Variants in PTPRD observed in about 807,000 individuals in gnomAD.
The protein encoded by PTPRD is protein tyrosine phosphatase receptor type D, also known as receptor-type tyrosine-protein phosphatase delta.
A neutral mutation model predicts 214.5 loss-of-function variants in PTPRD; 34 were observed. The observed-to-expected ratio is 0.16, with a 90% CI of 0.12 to 0.21. The LOEUF is 0.21. PTPRD is among the 10% of genes least tolerant of loss of function. The pLI is 1.00. For missense variants in PTPRD, 2,545 were observed against 2,398.7 expected, an observed-to-expected ratio of 1.06 and a Z score of -1.27; for synonymous variants, 1,128 against 845.7, an observed-to-expected ratio of 1.33 and a Z score of -5.79.
At chr9:9,493,554 C>T (rs758315445) in intron 8 of PTPRD, among the ~76,000 whole-genome samples, 38 of 151,742 alleles carry the variant, frequency 2.5e-4, no homozygotes, top group Non-Finnish European at 4.3e-4. Flanking sequence ...TTTGGGAGGC[C>T]GAGGCAGGCA....
intron 4 of PTPRD, among the ~76,000 whole-genome samples, chr9:9,985,566 A>G (rs757911201): frequency 1.6e-4 from 24 of 152,290 alleles, no homozygotes; most frequent in Non-Finnish European, 2.5e-4. Flanking sequence ...ATCTACATTT[A>G]AAGACTTATT....
chr9:10,496,539 C>T (rs2042087218), intron 2 of PTPRD, among the ~76,000 whole-genome samples: 1 of 151,990 alleles, frequency 6.6e-6, no homozygotes, highest in Non-Finnish European at 1.5e-5. Context: ...AAACTGGTTT[C>T]TACAATAGCT....
intron 39 of PTPRD, among the ~76,000 whole-genome samples, chr9:8,356,574 C>T (rs954264837): frequency 1.3e-5 from 2 of 152,082 alleles, no homozygotes; most frequent in African/African-American, 2.4e-5. Flanking sequence ...TCAGTGATAC[C>T]CCTGTCCAGA....
At chr9:10,344,063 T>C (rs1181986355) in intron 2 of PTPRD, among the ~76,000 whole-genome samples, 1 of 150,100 alleles carries the variant, frequency 6.7e-6, no homozygotes, top group Non-Finnish European at 1.5e-5. Context: ...TTGGCTTTTG[T>C]TGCCATTGCT....
intron 4 of PTPRD, among the ~76,000 whole-genome samples, chr9:9,971,445 T>C (rs2095096407): frequency 6.6e-6 from 1 of 152,186 alleles, no homozygotes; most frequent in Non-Finnish European, 1.5e-5. Flanking sequence ...TAAAATTAGC[T>C]TGAAAGCAGT....
chr9:9,505,805 A>G (rs1028206082), intron 8 of PTPRD, among the ~76,000 whole-genome samples: 3 of 151,522 alleles, frequency 2.0e-5, no homozygotes, highest in African/African-American at 7.3e-5. Flanking sequence ...TATGATCCCA[A>G]GGAACAATCA....
intron 33 of PTPRD, among the ~76,000 whole-genome samples, chr9:8,455,024 T>C (rs1224678363): frequency 6.6e-6 from 1 of 152,156 alleles, no homozygotes; most frequent in African/African-American, 2.4e-5. Context: ...TCATTTAAAA[T>C]AAAAAGCCTT....
At chr9:9,497,143 A>T (rs992583269) in intron 8 of PTPRD, among the ~76,000 whole-genome samples, 1 of 152,198 alleles carries the variant, frequency 6.6e-6, no homozygotes, top group Non-Finnish European at 1.5e-5. Flanking sequence ...TAGTTTTATA[A>T]GATGAGAAGC....
At chr9:9,434,331 A>C (rs2084349633) in intron 8 of PTPRD, among the ~76,000 whole-genome samples, 1 of 152,178 alleles carries the variant, frequency 6.6e-6, no homozygotes, top group African/African-American at 2.4e-5. Flanking sequence ...CTCTACACTG[A>C]AAACTATAAA....
intron 5 of PTPRD, among the ~76,000 whole-genome samples, chr9:9,815,343 C>T (rs979300371): frequency 1.3e-5 from 2 of 152,088 alleles, no homozygotes; most frequent in East Asian, 3.9e-4. Context: ...GGACACTTAA[C>T]TTACATAGTA....
intron 10 of PTPRD, among the ~76,000 whole-genome samples, chr9:9,100,175 G>A (rs1434823958): frequency 6.6e-6 from 1 of 151,984 alleles, no homozygotes; most frequent in Admixed American, 6.6e-5. Context: ...TGTGTTCCTG[G>A]GTAGTGAATA....
chr9:9,759,676 G>T (rs1301929489), intron 6 of PTPRD, among the ~76,000 whole-genome samples: 2 of 149,394 alleles, frequency 1.3e-5, no homozygotes, highest in Admixed American at 1.4e-4. Context: ...TCTTGCCTCA[G>T]CCTCCCAAGT....
intron 5 of PTPRD, among the ~76,000 whole-genome samples, chr9:9,883,384 A>G (rs909025119): frequency 6.6e-6 from 1 of 152,116 alleles, no homozygotes; most frequent in Non-Finnish European, 1.5e-5. Context: ...AAGAAAAACA[A>G]AAACATCTAG....
intron 7 of PTPRD, among the ~76,000 whole-genome samples, chr9:9,628,069 A>G (rs2095477501): frequency 6.6e-6 from 1 of 152,202 alleles, no homozygotes; most frequent in Admixed American, 6.5e-5. Context: ...TCCTTTGGTT[A>G]GTTTTCCCAC....
intron 11 of PTPRD, among the ~76,000 whole-genome samples, chr9:8,855,618 T>C (rs1242870838): frequency 6.6e-6 from 1 of 152,202 alleles, no homozygotes; most frequent in Non-Finnish European, 1.5e-5. Context: ...GAACAGATGA[T>C]TTCTATGCAA....
At chr9:10,157,652 C>T (rs963663744) in intron 3 of PTPRD, among the ~76,000 whole-genome samples, 19 of 152,050 alleles carry the variant, frequency 1.2e-4, no homozygotes, top group Admixed American at 7.2e-4. Flanking sequence ...CTGGGTTTCT[C>T]GACATTTTTA....
intron 5 of PTPRD, among the ~76,000 whole-genome samples, chr9:9,884,423 GA>G (rs1284067727): frequency 6.6e-6 from 1 of 152,096 alleles, no homozygotes; most frequent in African/African-American, 2.4e-5. Context: ...ATCTCTGTAA[GA>G]AAGCCCTTCC....
intron 2 of PTPRD, among the ~76,000 whole-genome samples, chr9:10,521,752 G>C (rs950244504): frequency 2.6e-5 from 4 of 151,972 alleles, no homozygotes; most frequent in Non-Finnish European, 4.4e-5. Context: ...CCGACTGATG[G>C]GATAGATGAC....
chr9:9,547,512 G>A (rs2079077704), intron 8 of PTPRD, among the ~76,000 whole-genome samples: 1 of 151,802 alleles, frequency 6.6e-6, no homozygotes. Flanking sequence ...ATAATAATAG[G>A]GTCTACTTTC....
Sources: allele counts gnomAD v4.1 joint callset (sites outside exome capture counted in the v4.1 genomes callset), GRCh38; gene constraint gnomAD v4.1.1; transcripts MANE v1.5; gene names NCBI Gene and HGNC (gene_info 2026-07-23, HGNC 2026-07-21).